The following AUTS2 variants were observed in gnomAD, a reference collection of about 807,000 sequenced individuals.
AUTS2 encodes activator of transcription and developmental regulator AUTS2, also known as autism susceptibility gene 2 protein.
Under a neutral mutation model 112.4 loss-of-function variants are expected in AUTS2, and 17 were observed. That is an observed-to-expected ratio of 0.15 (90% CI 0.10 to 0.23). The LOEUF (loss-of-function observed/expected upper bound fraction) is 0.23. Ranked by LOEUF, AUTS2 falls within the 10% of genes least tolerant of loss-of-function variation. AUTS2 has a pLI of 1.00. For synonymous variants in AUTS2, 751 were observed against 702.7 expected (o/e 1.07, Z -1.09); for missense variants, 1,510 against 1,701.6 (o/e 0.89, Z 1.98).
At chr7:70,428,260 G>T (rs1222182230) in intron 4 of AUTS2, among the ~76,000 whole-genome samples, 6 of 152,124 alleles carry the variant, frequency 3.9e-5, no homozygotes, top group African/African-American at 1.4e-4. Context: ...TGTGAAATTA[G>T]GGCTTTGTGG....
At chr7:70,108,101 CT>C (rs1394506341) in intron 2 of AUTS2, among the ~76,000 whole-genome samples, 1 of 151,968 alleles carries the variant, frequency 6.6e-6, no homozygotes, top group Non-Finnish European at 1.5e-5. Context: ...GGGATAGTCA[CT>C]AATGATAAGT....
chr7:70,772,728 T>A (rs1790432346), intron 11 of AUTS2, among the ~76,000 whole-genome samples: 2 of 152,250 alleles, frequency 1.3e-5, no homozygotes, highest in Admixed American at 6.5e-5. Flanking sequence ...TTTGCCTGCA[T>A]TGAATTGCAG....
intron 2 of AUTS2, among the ~76,000 whole-genome samples, chr7:70,030,268 G>C (rs1290563248): frequency 1.3e-5 from 2 of 152,182 alleles, no homozygotes; most frequent in African/African-American, 2.4e-5. Context: ...ATGTGATACA[G>C]CATGGGCTGC....
At chr7:70,287,008 C>T (rs921404318) in intron 4 of AUTS2, among the ~76,000 whole-genome samples, 6 of 152,186 alleles carry the variant, frequency 3.9e-5, no homozygotes, top group Non-Finnish European at 5.9e-5. Context: ...ACATTAATCT[C>T]CAGAATCAAA....
chr7:69,634,090 T>C (rs1040444668), intron 1 of AUTS2, among the ~76,000 whole-genome samples: 1 of 152,132 alleles, frequency 6.6e-6, no homozygotes, highest in African/African-American at 2.4e-5. Flanking sequence ...TTAGTGCTTT[T>C]AAGAAGGAAG....
intron 2 of AUTS2, among the ~76,000 whole-genome samples, chr7:70,033,084 G>A (rs1050314309): frequency 3.3e-5 from 5 of 152,030 alleles, no homozygotes; most frequent in African/African-American, 1.2e-4. Context: ...GTTTCTTTCT[G>A]GGGTGGTAAA....
At chr7:70,519,087 T>C (rs773780217) in intron 5 of AUTS2, among the ~76,000 whole-genome samples, 5 of 152,162 alleles carry the variant, frequency 3.3e-5, no homozygotes, top group Non-Finnish European at 5.9e-5. Context: ...CTAAAAGCCT[T>C]TATTTACACT....
At chr7:70,260,756 T>C (rs1787128318) in intron 4 of AUTS2, among the ~76,000 whole-genome samples, 1 of 147,406 alleles carries the variant, frequency 6.8e-6, no homozygotes, top group African/African-American at 2.5e-5. Context: ...TTTTTACACT[T>C]TTTTTTTTTT....
chr7:70,446,047 G>T (rs1445615699), intron 5 of AUTS2, among the ~76,000 whole-genome samples: 9 of 152,120 alleles, frequency 5.9e-5, no homozygotes, highest in Non-Finnish European at 1.5e-5. Context: ...AAGGGGCCAT[G>T]GTTCCATGGT....
intron 2 of AUTS2, among the ~76,000 whole-genome samples, chr7:70,024,716 A>C (rs1375455475): frequency 6.6e-6 from 1 of 152,152 alleles, no homozygotes; most frequent in African/African-American, 2.4e-5. Context: ...GGCGAGTCTG[A>C]AATCTGTAGG....
chr7:69,819,199 G>A (rs1249929050), intron 1 of AUTS2, among the ~76,000 whole-genome samples: 1 of 152,172 alleles, frequency 6.6e-6, no homozygotes, highest in East Asian at 1.9e-4. Context: ...AAGCAGTGTC[G>A]ATGGGTTTTC....
At chr7:70,145,232 T>C (rs1807068129) in intron 4 of AUTS2, among the ~76,000 whole-genome samples, 1 of 152,162 alleles carries the variant, frequency 6.6e-6, no homozygotes, top group African/African-American at 2.4e-5. Context: ...TTTGGTTATT[T>C]ATAGATACAT....
At chr7:69,877,814 G>A (rs933417064) in intron 1 of AUTS2, among the ~76,000 whole-genome samples, 1 of 152,178 alleles carries the variant, frequency 6.6e-6, no homozygotes, top group African/African-American at 2.4e-5. Flanking sequence ...CAGACCACTG[G>A]TGTAGACAGA....
At chr7:70,192,262 A>G (rs983427330) in intron 4 of AUTS2, among the ~76,000 whole-genome samples, 1 of 152,122 alleles carries the variant, frequency 6.6e-6, no homozygotes, top group Non-Finnish European at 1.5e-5. Context: ...AGTCTCTTTT[A>G]TTTATTGATT....
intron 3 of AUTS2, chr7:70,120,239 A>G (rs1805612384): frequency 6.6e-6 from 1 of 152,224 alleles, no homozygotes; most frequent in Non-Finnish European, 1.5e-5. Flanking sequence ...GAGATACTGT[A>G]TTCTTACAGG....
At chr7:70,293,492 T>G (rs1163900788) in intron 4 of AUTS2, 1 of 152,220 alleles carries the variant, frequency 6.6e-6, no homozygotes, top group East Asian at 1.9e-4. Flanking sequence ...AAGTTCTTTG[T>G]CAGAATGAGG....
At chr7:69,823,253 T>A (rs1178292353) in intron 1 of AUTS2, among the ~76,000 whole-genome samples, 1 of 152,166 alleles carries the variant, frequency 6.6e-6, no homozygotes, top group Non-Finnish European at 1.5e-5. Flanking sequence ...TTCTCCTGAG[T>A]GGAAGCTGCA....
chr7:70,024,437 C>T (rs1364313216), intron 2 of AUTS2, among the ~76,000 whole-genome samples: 1 of 152,174 alleles, frequency 6.6e-6, no homozygotes, highest in Non-Finnish European at 1.5e-5. Context: ...AGTGCTGTGA[C>T]TATTTCCATT....
chr7:69,761,227 T>C (rs1185570346), intron 1 of AUTS2, among the ~76,000 whole-genome samples: 2 of 152,230 alleles, frequency 1.3e-5, no homozygotes, highest in African/African-American at 4.8e-5. Context: ...ATCTGGTCTT[T>C]AACCTGGATT....
Sources: gnomAD v4.1 joint callset for allele counts (sites outside exome capture counted in the v4.1 genomes callset) on GRCh38, gnomAD v4.1.1 for gene constraint, MANE v1.5 for transcripts, NCBI Gene and HGNC (gene_info 2026-07-23, HGNC 2026-07-21) for gene names.